CASD1: variants seen among roughly 807,000 people sequenced by gnomAD.
CASD1 encodes N-acetylneuraminate (7)9-O-acetyltransferase.
A neutral mutation model predicts 100.0 loss-of-function variants in CASD1; 41 were observed. The ratio of observed to expected loss-of-function variants is 0.41; its 90% CI spans 0.32 to 0.53. The LOEUF (loss-of-function observed/expected upper bound fraction) is 0.53. Ranked by LOEUF, CASD1 falls within the 20% of genes least tolerant of loss-of-function variation. The pLI is 0.25. For missense variants in CASD1, 774 were observed against 948.7 expected (o/e 0.82, Z 2.42); for synonymous variants, 321 against 315.6 (o/e 1.02, Z -0.18).
chr7:94,594,753 T>C, the CASD1 span, among the ~76,000 whole-genome samples: 6 of 152,110 alleles, frequency 3.9e-5, no homozygotes, highest in African/African-American at 1.4e-4. Flanking sequence ...TCTACAATCA[T>C]TCCAAAATAA....
intron 13 of CASD1, 54 bp downstream of exon 13, chr7:94,547,229 G>T: frequency 7.6e-7 from 1 of 1,310,430 alleles, no homozygotes; most frequent in South Asian, 1.5e-5. Flanking sequence ...TAAAGTTCAA[G>T]TCTATTAAAG....
the CASD1 span, chr7:94,587,658 A>G: frequency 1.3e-6 from 2 of 1,501,352 alleles, no homozygotes; most frequent in African/African-American, 2.9e-5. Flanking sequence ...ACATCAATAT[A>G]TTGAACAGTC....
At chr7:94,562,704 CTT>C in the CASD1 span, among the ~76,000 whole-genome samples, 3 of 151,778 alleles carry the variant, frequency 2.0e-5, no homozygotes, top group African/African-American at 4.8e-5. Context: ...ATTGTTTCCT[CTT>C]TTGAAATTGC....
chr7:94,630,520 A>G, the CASD1 span, among the ~76,000 whole-genome samples: 1 of 151,960 alleles, frequency 6.6e-6, no homozygotes, highest in Admixed American at 6.6e-5. Flanking sequence ...TAACAATTAC[A>G]TAATAAAATT....
At chr7:94,577,331 A>G in the CASD1 span, among the ~76,000 whole-genome samples, 1 of 152,188 alleles carries the variant, frequency 6.6e-6, no homozygotes, top group African/African-American at 2.4e-5. Context: ...TGACTTTTGT[A>G]AACTAATCCT....
the CASD1 span, chr7:94,618,349 A>C: frequency 1.0e-4 from 18 of 172,188 alleles, no homozygotes; most frequent in South Asian, 1.1e-3. Context: ...TCAGTCACTG[A>C]CACATGGTGG....
At chr7:94,585,711 TCTC>T in the CASD1 span, among the ~76,000 whole-genome samples, 1 of 152,122 alleles carries the variant, frequency 6.6e-6, no homozygotes, top group Non-Finnish European at 1.5e-5. Flanking sequence ...AAATTAGTCT[TCTC>T]CTTCTTGGAC....
chr7:94,604,973 C>T, the CASD1 span, among the ~76,000 whole-genome samples: 1 of 151,234 alleles, frequency 6.6e-6, no homozygotes, highest in Non-Finnish European at 1.5e-5. Flanking sequence ...CATAGGTTCA[C>T]TAAAAGATTG....
chr7:94,610,911 C>T, the CASD1 span, among the ~76,000 whole-genome samples: 4 of 152,064 alleles, frequency 2.6e-5, no homozygotes, highest in South Asian at 2.1e-4. Flanking sequence ...TCAACATCAC[C>T]GGCCATCAGC....
At chr7:94,568,621 C>T in the CASD1 span, among the ~76,000 whole-genome samples, 259 of 152,210 alleles carry the variant, frequency 1.7e-3, no homozygotes, top group African/African-American at 5.9e-3. Flanking sequence ...AAAGAACAAA[C>T]GACAGATAAG....
chr7:94,520,681 G>A (rs961861023), intron 3 of CASD1, among the ~76,000 whole-genome samples: 5 of 152,180 alleles, frequency 3.3e-5, no homozygotes, highest in African/African-American at 1.2e-4. Context: ...TGATGGACTG[G>A]GTGTGGTGAC....
chr7:94,538,360 C>CA, intron 9 of CASD1, among the ~76,000 whole-genome samples: 1 of 152,270 alleles, frequency 6.6e-6, no homozygotes, highest in Admixed American at 6.5e-5. Flanking sequence ...CACCACTACT[C>CA]ACAGTATTCT....
the CASD1 span, chr7:94,616,836 C>T: frequency 4.6e-5 from 7 of 151,956 alleles, no homozygotes; most frequent in South Asian, 2.1e-4. Context: ...GCTGGCATTG[C>T]GTACAATTTA....
chr7:94,630,275 T>C, the CASD1 span, among the ~76,000 whole-genome samples: 7 of 151,990 alleles, frequency 4.6e-5, no homozygotes, highest in East Asian at 1.2e-3. Flanking sequence ...TTTTAAGTGG[T>C]AAGAATCCAT....
chr7:94,519,959 A>G (rs1794180603), intron 3 of CASD1, among the ~76,000 whole-genome samples: 1 of 152,248 alleles, frequency 6.6e-6, no homozygotes, highest in Admixed American at 6.5e-5. Flanking sequence ...CTGCAGCCAA[A>G]AGTAGATACA....
chr7:94,605,177 T>C, the CASD1 span, among the ~76,000 whole-genome samples: 1 of 152,064 alleles, frequency 6.6e-6, no homozygotes, highest in Non-Finnish European at 1.5e-5. Flanking sequence ...GAATCAGATA[T>C]GGCAGAGATG....
chr7:94,588,368 C>T, the CASD1 span: 1 of 1,135,336 alleles, frequency 8.8e-7, no homozygotes, highest in South Asian at 2.5e-5. Context: ...TGGATGCATC[C>T]AAGCTAAGAA....
chr7:94,582,266 C>T, the CASD1 span, among the ~76,000 whole-genome samples: 4 of 151,982 alleles, frequency 2.6e-5, no homozygotes, highest in Admixed American at 6.6e-5. Flanking sequence ...TACAGGTGCC[C>T]GCCACCATGG....
At position 94,518,253 on chromosome 7, in the gene CASD1, C is replaced by A; in HGVS notation, c.281C>A (p.Ser94Tyr). The A allele has an allele frequency of 6.4e-7, 1 of 1,574,148 alleles. No homozygotes were observed. The highest frequency in any genetic ancestry group is 8.6e-7 in the Non-Finnish European group (1 of 1,163,546). ...VDKHIAFIGDSRIRQLFYSFV... is the reference protein window; with the variant it reads ...VDKHIAFIGDYRIRQLFYSFV... ...AAACATATTGCATTTATTGGAGATT[C>A]CAGAATTCGTCAATTGTTTTATTCT... The change falls in exon 3 of 18, where the codon TCC becomes TAC. Residue 94 changes from serine to tyrosine, a missense_variant. This residue lies in a region of CASD1 where 61 missense variants were observed against 115.9 expected (regional missense o/e 0.53). Coordinates refer to ENST00000297273, the MANE Select transcript of CASD1 (RefSeq NM_022900.5).
Sources: allele counts gnomAD v4.1 joint callset (sites outside exome capture counted in the v4.1 genomes callset), GRCh38; gene constraint gnomAD v4.1.1; regional missense constraint gnomAD v4.1.1; transcripts MANE v1.5; gene names NCBI Gene and HGNC (gene_info 2026-07-23, HGNC 2026-07-21).